The following MYO1E variants were observed in gnomAD, a reference collection of about 807,000 sequenced individuals.
MYO1E encodes the protein unconventional myosin-Ie.
MYO1E carries 68 observed loss-of-function variants against 151.1 expected under a neutral mutation model. The ratio of observed to expected loss-of-function variants is 0.45; its 90% CI spans 0.37 to 0.55. The LOEUF is 0.55. Among genes scored for constraint, MYO1E ranks in the 20% least tolerant of loss-of-function variants. MYO1E has a pLI of 0.00. For missense variants in MYO1E, 1,363 were observed against 1,389.3 expected, an observed-to-expected ratio of 0.98 and a Z score of 0.30; for synonymous variants, 601 against 501.7, an observed-to-expected ratio of 1.20 and a Z score of -2.64.
intron 4 of MYO1E, among the ~76,000 whole-genome samples, chr15:59,243,747 C>T (rs2080113639): frequency 6.6e-6 from 1 of 152,174 alleles, no homozygotes; most frequent in African/African-American, 2.4e-5. Context: ...CTGCCAACAA[C>T]ATTTATTACC....
chr15:59,242,464 T>C (rs2080105732), intron 4 of MYO1E, among the ~76,000 whole-genome samples: 1 of 152,204 alleles, frequency 6.6e-6, no homozygotes, highest in Admixed American at 6.5e-5. Flanking sequence ...TTGAATAAAA[T>C]AGGAAGCCAT....
chr15:59,303,968 ATTTTC>A (rs1229154002), intron 1 of MYO1E, among the ~76,000 whole-genome samples: 1 of 140,992 alleles, frequency 7.1e-6, no homozygotes, highest in Non-Finnish European at 1.6e-5. Flanking sequence ...CTCTATTTTC[ATTTTC>A]TTTTCTTTCT....
chr15:59,201,054 CTCAG>C (rs2079798424), intron 16 of MYO1E, among the ~76,000 whole-genome samples: 1 of 151,980 alleles, frequency 6.6e-6, no homozygotes, highest in Non-Finnish European at 1.5e-5. Flanking sequence ...TAAAAAATAG[CTCAG>C]TGAGTATTTC....
intron 2 of MYO1E, among the ~76,000 whole-genome samples, chr15:59,266,091 T>C (rs2080251826): frequency 6.6e-6 from 1 of 152,226 alleles, no homozygotes; most frequent in African/African-American, 2.4e-5. Flanking sequence ...TTTGGAATAA[T>C]TGTTTATCTA....
intron 15 of MYO1E, among the ~76,000 whole-genome samples, chr15:59,204,786 G>A (rs935245154): frequency 2.0e-5 from 3 of 152,140 alleles, no homozygotes; most frequent in Admixed American, 6.5e-5. Context: ...GTTAATGTGG[G>A]TCTTGCTAAG....
chr15:59,207,074 C>CA, intron 14 of MYO1E: 2 of 1,614,206 alleles, frequency 1.2e-6, no homozygotes, highest in Non-Finnish European at 1.7e-6. Flanking sequence ...TGGCTCTTCA[C>CA]CCCCGTGAGC....
At chr15:59,311,860 C>G (rs2080554434) in intron 1 of MYO1E, among the ~76,000 whole-genome samples, 1 of 152,136 alleles carries the variant, frequency 6.6e-6, no homozygotes, top group Non-Finnish European at 1.5e-5. Context: ...GTCTTGCTAT[C>G]TCTCACACAC....
chr15:59,216,053 T>C (rs79226929), intron 10 of MYO1E, among the ~76,000 whole-genome samples: 1,663 of 152,280 alleles, frequency 0.011, 21 homozygotes, highest in South Asian at 0.041. Context: ...AGAATAGTTC[T>C]CCTACCCTGT....
At chr15:59,175,534 C>T (rs932005665) in intron 19 of MYO1E, among the ~76,000 whole-genome samples, 5 of 152,098 alleles carry the variant, frequency 3.3e-5, no homozygotes, top group Non-Finnish European at 7.4e-5. Context: ...AGGGGAGGGA[C>T]CACGTAATTC....
chr15:59,324,378 A>G (rs2080649090), intron 1 of MYO1E, among the ~76,000 whole-genome samples: 1 of 152,210 alleles, frequency 6.6e-6, no homozygotes, highest in Non-Finnish European at 1.5e-5. Flanking sequence ...CCTATGAGCA[A>G]CACAAGTCTG....
chr15:59,228,266 G>C (rs1439265185), intron 6 of MYO1E, among the ~76,000 whole-genome samples: 1 of 152,074 alleles, frequency 6.6e-6, no homozygotes, highest in Non-Finnish European at 1.5e-5. Context: ...TGGATCACTG[G>C]AGGTCAGGAG....
intron 14 of MYO1E, among the ~76,000 whole-genome samples, chr15:59,206,184 T>C (rs992054714): frequency 2.6e-5 from 4 of 152,154 alleles, no homozygotes; most frequent in Admixed American, 6.5e-5. Flanking sequence ...TGGGCCTTGA[T>C]TTATACTACC....
chr15:59,286,791 C>T (rs1274477893), intron 1 of MYO1E, among the ~76,000 whole-genome samples: 1 of 152,200 alleles, frequency 6.6e-6, no homozygotes, highest in Admixed American at 6.5e-5. Flanking sequence ...ATCTATGGCA[C>T]AGTGGCACCA....
intron 14 of MYO1E, chr15:59,208,445 T>C: frequency 3.3e-6 from 2 of 608,060 alleles, no homozygotes; most frequent in South Asian, 2.0e-5. Context: ...TTTATACCTA[T>C]GTTCATTTAT....
At chr15:59,215,700 C>G (rs950972134) in intron 10 of MYO1E, among the ~76,000 whole-genome samples, 9 of 152,188 alleles carry the variant, frequency 5.9e-5, no homozygotes, top group African/African-American at 2.2e-4. Context: ...ACACAACACA[C>G]AGTCAGTGCC....
At chr15:59,267,749 C>T (rs1306356538) in intron 2 of MYO1E, among the ~76,000 whole-genome samples, 1 of 152,208 alleles carries the variant, frequency 6.6e-6, no homozygotes, top group African/African-American at 2.4e-5. Flanking sequence ...CAGAAGTGCT[C>T]TCTCCCTATG....
At chr15:59,170,117 C>A (rs1234416772) in intron 22 of MYO1E, among the ~76,000 whole-genome samples, 2 of 152,066 alleles carry the variant, frequency 1.3e-5, no homozygotes, top group South Asian at 2.1e-4. Context: ...GCTGAGATCA[C>A]GCCACTGCAC....
chr15:59,269,528 A>T (rs2080277097), intron 2 of MYO1E, among the ~76,000 whole-genome samples: 1 of 152,218 alleles, frequency 6.6e-6, no homozygotes, highest in Non-Finnish European at 1.5e-5. Flanking sequence ...TAAAATAAAA[A>T]CCTGCAACTG....
At chr15:59,358,641 A>G (rs143176740) in intron 1 of MYO1E, among the ~76,000 whole-genome samples, 34 of 152,324 alleles carry the variant, frequency 2.2e-4, no homozygotes, top group Non-Finnish European at 2.1e-4. Flanking sequence ...CTAATTTTCT[A>G]ATTAATATCA....
Sources: allele counts gnomAD v4.1 joint callset (sites outside exome capture counted in the v4.1 genomes callset), GRCh38; gene constraint gnomAD v4.1.1; transcripts MANE v1.5; gene names NCBI Gene and HGNC (gene_info 2026-07-23, HGNC 2026-07-21).